Variants in LRBA observed in about 807,000 individuals in gnomAD.
LRBA encodes the protein LPS responsive beige-like anchor protein, also known as lipopolysaccharide-responsive and beige-like anchor protein.
Under a neutral mutation model 330.0 loss-of-function variants are expected in LRBA, and 176 were observed. The observed-to-expected ratio is 0.53, with a 90% CI of 0.47 to 0.60. LRBA has a LOEUF of 0.60. Among genes scored for constraint, LRBA ranks in the 20% least tolerant of loss-of-function variants. LRBA has a pLI of 0.00. For synonymous variants in LRBA, 1,230 were observed against 1,193.0 expected (o/e 1.03, Z -0.64); for missense variants, 3,259 against 3,444.8 (o/e 0.95, Z 1.35).
At chr4:150,868,103 G>T in intron 21 of LRBA, 79 bp downstream of exon 21, 2 of 1,378,942 alleles carry the variant, frequency 1.5e-6, no homozygotes, top group Non-Finnish European at 2.0e-6. Context: ...TATTTTTAAA[G>T]CAATTTTTCT....
chr4:150,632,387 C>G (rs531349003), intron 37 of LRBA, among the ~76,000 whole-genome samples: 1 of 152,284 alleles, frequency 6.6e-6, no homozygotes, highest in East Asian at 1.9e-4. Flanking sequence ...GGACACAATG[C>G]TCATCTTGCT....
At chr4:150,789,534 A>G (rs1739592333) in intron 34 of LRBA, among the ~76,000 whole-genome samples, 1 of 152,218 alleles carries the variant, frequency 6.6e-6, no homozygotes, top group Non-Finnish European at 1.5e-5. Context: ...TAAACACTGC[A>G]AATACCATAA....
intron 37 of LRBA, among the ~76,000 whole-genome samples, chr4:150,627,977 G>A (rs748945842): frequency 2.0e-5 from 3 of 152,040 alleles, no homozygotes; most frequent in African/African-American, 7.2e-5. Flanking sequence ...GAGAAAAATT[G>A]TAATAATAAA....
At chr4:150,455,303 A>T (rs940685821) in intron 44 of LRBA, among the ~76,000 whole-genome samples, 2 of 151,998 alleles carry the variant, frequency 1.3e-5, no homozygotes, top group African/African-American at 4.8e-5. Flanking sequence ...AATGACTATA[A>T]ATCATGCTGC....
At chr4:150,526,786 G>C (rs1763520949) in intron 40 of LRBA, among the ~76,000 whole-genome samples, 1 of 151,998 alleles carries the variant, frequency 6.6e-6, no homozygotes. Flanking sequence ...AACAGATGAA[G>C]ACTTCTATTT....
intron 47 of LRBA, among the ~76,000 whole-genome samples, chr4:150,407,286 T>C (rs1332655653): frequency 6.6e-6 from 1 of 152,216 alleles, no homozygotes; most frequent in Admixed American, 6.5e-5. Context: ...TGTGAAAGAA[T>C]AAATTTCTGC....
At chr4:150,666,811 C>T (rs1383734075) in intron 37 of LRBA, among the ~76,000 whole-genome samples, 1 of 152,088 alleles carries the variant, frequency 6.6e-6, no homozygotes, top group Non-Finnish European at 1.5e-5. Flanking sequence ...TAAACAAAGC[C>T]TTAGTCACAT....
intron 37 of LRBA, among the ~76,000 whole-genome samples, chr4:150,622,725 G>T (rs2126635383): frequency 8.8e-6 from 1 of 113,834 alleles, no homozygotes; most frequent in African/African-American, 4.0e-5. Flanking sequence ...TTGAGACGGA[G>T]TCTTGCTCTT....
chr4:150,615,713 GCTAA>G lies in LRBA; in HGVS notation c.5922-16586_5922-16583del, dbSNP rs202234443. ...TATTAGAAATCTGGGGCAGAAAAGGGCTAACTATTTGCCAAATCCCTTTTCATCT... is the reference window on the plus strand; with the variant it reads ...TATTAGAAATCTGGGGCAGAAAAGGGCTATTTGCCAAATCCCTTTTCATCT... On this transcript the variant is annotated intron_variant, in intron 37 of 56. Coordinates refer to ENST00000651943, the MANE Select transcript of LRBA (RefSeq NM_001364905.1). Among the ~76,000 whole-genome samples, 974 of 152,134 alleles carry G rather than the reference GCTAA, an allele frequency of 6.4e-3. 9 individuals are homozygous for G. Among genetic ancestry groups the G allele is most frequent in the African/African-American group, 0.021 (857 of 41,504 alleles).
chr4:150,946,270 C>T (rs1401750176), intron 2 of LRBA, among the ~76,000 whole-genome samples: 3 of 152,012 alleles, frequency 2.0e-5, no homozygotes, highest in African/African-American at 4.8e-5. Context: ...ACACTATCAA[C>T]AAAGAAGAAC....
intron 46 of LRBA, among the ~76,000 whole-genome samples, chr4:150,434,704 A>T (rs1042438392): frequency 3.3e-5 from 5 of 152,022 alleles, no homozygotes; most frequent in Admixed American, 6.6e-5. Flanking sequence ...ATAAAAAATT[A>T]GCCTAGCGTG....
intron 2 of LRBA, among the ~76,000 whole-genome samples, chr4:151,001,867 G>A (rs1177559153): frequency 6.6e-6 from 1 of 152,056 alleles, no homozygotes; most frequent in Non-Finnish European, 1.5e-5. Flanking sequence ...TCAGCCCACT[G>A]CTGTCACCAC....
intron 13 of LRBA, among the ~76,000 whole-genome samples, chr4:150,903,335 T>C (rs954642676): frequency 2.6e-5 from 4 of 151,552 alleles, no homozygotes; most frequent in African/African-American, 4.8e-5. Context: ...CACTGAGCCA[T>C]GGCCATGAAA....
intron 40 of LRBA, among the ~76,000 whole-genome samples, chr4:150,503,066 G>T (rs1054487475): frequency 1.3e-5 from 2 of 152,216 alleles, no homozygotes; most frequent in Non-Finnish European, 2.9e-5. Flanking sequence ...AGCTCGAACT[G>T]GGTGGAGGCC....
intron 47 of LRBA, 138 bp from the exon 48 acceptor site, chr4:150,350,297 C>A (rs888850140): frequency 3.1e-6 from 2 of 653,254 alleles, no homozygotes; most frequent in Non-Finnish European, 4.8e-6. Flanking sequence ...TGTGGCCGGG[C>A]GCAGTGGCTC....
chr4:150,731,602 A>C (rs1730467424), intron 36 of LRBA, among the ~76,000 whole-genome samples: 1 of 152,176 alleles, frequency 6.6e-6, no homozygotes, highest in Non-Finnish European at 1.5e-5. Flanking sequence ...AAAACAATTG[A>C]ACTTGTTCAG....
chr4:150,805,605 A>AAAGGAAAG (rs1560842972), intron 33 of LRBA, among the ~76,000 whole-genome samples: 5 of 64,028 alleles, frequency 7.8e-5, no homozygotes, highest in African/African-American at 1.9e-4. Context: ...GGAAAGGAAA[A>AAAGGAAAG]GAAAGGAAAG....
chr4:150,710,163 A>G (rs1244702911), intron 36 of LRBA, among the ~76,000 whole-genome samples: 1 of 152,162 alleles, frequency 6.6e-6, no homozygotes, highest in Non-Finnish European at 1.5e-5. Context: ...AACAAAACAC[A>G]GTATTGATAA....
At chr4:150,320,700 A>G (rs764131488) in intron 50 of LRBA, among the ~76,000 whole-genome samples, 1 of 152,116 alleles carries the variant, frequency 6.6e-6, no homozygotes, top group Non-Finnish European at 1.5e-5. Context: ...CTAGCTAATC[A>G]GGAGGCTGAG....
Sources: gnomAD v4.1 joint callset for allele counts (sites outside exome capture counted in the v4.1 genomes callset) on GRCh38, gnomAD v4.1.1 for gene constraint, MANE v1.5 for transcripts, NCBI Gene and HGNC (gene_info 2026-07-23, HGNC 2026-07-21) for gene names.